RAD51B: variants seen among roughly 807,000 people sequenced by gnomAD.
The protein encoded by RAD51B is RAD51 paralog B, also known as DNA repair protein RAD51 homolog 2.
A neutral mutation model predicts 42.2 loss-of-function variants in RAD51B; 38 were observed. The ratio of observed to expected loss-of-function variants is 0.90; its 90% CI spans 0.70 to 1.18. The LOEUF (loss-of-function observed/expected upper bound fraction) is 1.18. RAD51B is among the 50% of genes most tolerant of loss of function. The pLI, the probability that RAD51B is intolerant of heterozygous loss-of-function variation, is 0.00. For missense variants in RAD51B, 373 were observed against 400.7 expected (o/e 0.93, Z 0.59); for synonymous variants, 154 against 145.2 (o/e 1.06, Z -0.43).
intron 7 of RAD51B, among the ~76,000 whole-genome samples, chr14:68,031,360 G>A (rs1475209429): frequency 1.3e-5 from 2 of 152,180 alleles, no homozygotes; most frequent in African/African-American, 4.8e-5. Context: ...CTTGATACCT[G>A]GGGATGATTA....
At chr14:68,375,615 A>T (rs191457651) in intron 8 of RAD51B, among the ~76,000 whole-genome samples, 1 of 152,162 alleles carries the variant, frequency 6.6e-6, no homozygotes, top group East Asian at 1.9e-4. Context: ...AACTGTTTGC[A>T]TGTTTAGGCT....
chr14:67,941,385 C>T (rs965799783), intron 7 of RAD51B, among the ~76,000 whole-genome samples: 3 of 152,108 alleles, frequency 2.0e-5, no homozygotes, highest in Admixed American at 6.6e-5. Context: ...AATGGGTTTC[C>T]AGACATTCTG....
intron 7 of RAD51B, among the ~76,000 whole-genome samples, chr14:68,072,996 A>C (rs2076777568): frequency 6.6e-6 from 1 of 152,120 alleles, no homozygotes. Context: ...GATCAGAAGG[A>C]TGTATATGCT....
chr14:68,476,129 C>G (rs1042564349), intron 10 of RAD51B, among the ~76,000 whole-genome samples: 1 of 151,420 alleles, frequency 6.6e-6, no homozygotes, highest in African/African-American at 2.4e-5. Flanking sequence ...TAATCAAAAG[C>G]CAACTGTGAT....
At position 68,270,680 on chromosome 14, in the gene RAD51B, G is replaced by A. The variant is rs117446394; in HGVS notation, c.757-21204G>A. On this transcript the variant is annotated intron_variant, in intron 7 of 10. Coordinates refer to ENST00000471583, the MANE Select transcript of RAD51B (RefSeq NM_133510.4). The stretch of plus-strand genomic sequence containing the variant: ...ACATCACCCAGATTGCCTGGGAAAC[G>A]CCACTGACTTTGGGAGCTAATTCTT... Among the ~76,000 whole-genome samples the A allele has an allele frequency of 2.8e-3, 430 of 152,300 alleles. 12 individuals are homozygous for A. The East Asian group carries it at 0.048, about 17-fold the overall frequency.
chr14:68,190,163 G>A (rs963564583), intron 7 of RAD51B, among the ~76,000 whole-genome samples: 4 of 149,404 alleles, frequency 2.7e-5, no homozygotes, highest in Admixed American at 1.3e-4. Flanking sequence ...AAACTTGCTC[G>A]GAGTAATTTG....
chr14:68,476,429 C>G (rs926257987), intron 10 of RAD51B, among the ~76,000 whole-genome samples: 7 of 152,122 alleles, frequency 4.6e-5, no homozygotes, highest in African/African-American at 1.7e-4. Context: ...TGGATTGACT[C>G]AACAATAAAG....
At chr14:67,959,571 T>C (rs925147461) in intron 7 of RAD51B, among the ~76,000 whole-genome samples, 3 of 152,142 alleles carry the variant, frequency 2.0e-5, no homozygotes, top group Non-Finnish European at 2.9e-5. Context: ...AAATTTATGT[T>C]AGCCTTGAAA....
intron 7 of RAD51B, among the ~76,000 whole-genome samples, chr14:68,118,596 G>A (rs1644607689): frequency 1.3e-5 from 2 of 152,214 alleles, no homozygotes; most frequent in African/African-American, 4.8e-5. Flanking sequence ...AAGAAGAAGG[G>A]TAAGATGTGC....
chr14:68,556,216 G>C (rs1888834964), intron 10 of RAD51B, among the ~76,000 whole-genome samples: 1 of 152,210 alleles, frequency 6.6e-6, no homozygotes, highest in Non-Finnish European at 1.5e-5. Context: ...TGGCCCCACA[G>C]TCAGGCAACG....
intron 7 of RAD51B, among the ~76,000 whole-genome samples, chr14:68,045,916 C>T (rs1471049826): frequency 1.3e-5 from 2 of 151,702 alleles, no homozygotes; most frequent in Non-Finnish European, 2.9e-5. Context: ...TGAGTTTTTT[C>T]CTCAAGTCTG....
At chr14:68,237,207 T>C (rs2080278476) in intron 7 of RAD51B, among the ~76,000 whole-genome samples, 1 of 152,210 alleles carries the variant, frequency 6.6e-6, no homozygotes, top group African/African-American at 2.4e-5. Context: ...CAAGTGTCTA[T>C]TCCCTCCTGA....
intron 7 of RAD51B, among the ~76,000 whole-genome samples, chr14:68,128,693 A>G (rs1194084458): frequency 1.3e-5 from 2 of 152,118 alleles, no homozygotes; most frequent in Admixed American, 6.5e-5. Context: ...CCCTGTCTCA[A>G]AAAAAACGTG....
At chr14:68,385,364 C>G (rs534444263) in intron 8 of RAD51B, among the ~76,000 whole-genome samples, 10 of 152,296 alleles carry the variant, frequency 6.6e-5, no homozygotes, top group Admixed American at 3.9e-4. Context: ...CCTTACACCC[C>G]CTAGCACTCT....
chr14:68,379,741 C>G (rs2083442506), intron 8 of RAD51B, among the ~76,000 whole-genome samples: 1 of 152,204 alleles, frequency 6.6e-6, no homozygotes, highest in African/African-American at 2.4e-5. Flanking sequence ...TATGGTTTGG[C>G]TACTTTCCCT....
intron 7 of RAD51B, among the ~76,000 whole-genome samples, chr14:68,089,572 C>T (rs115011651): frequency 1.0e-3 from 157 of 152,222 alleles, no homozygotes; most frequent in African/African-American, 3.6e-3. Flanking sequence ...GTGCTTCAAA[C>T]GACCTTTTGA....
chr14:68,418,204 T>G (rs558339803), intron 9 of RAD51B, among the ~76,000 whole-genome samples: 4 of 152,322 alleles, frequency 2.6e-5, no homozygotes, highest in African/African-American at 9.6e-5. Flanking sequence ...AAAGGCACTT[T>G]AACACCAAAA....
intron 7 of RAD51B, among the ~76,000 whole-genome samples, chr14:68,014,993 G>C (rs1035564123): frequency 2.0e-5 from 3 of 152,226 alleles, no homozygotes; most frequent in African/African-American, 7.2e-5. Flanking sequence ...CATGGTGAAG[G>C]GCAGGAGCTC....
chr14:68,541,238 A>G, intron 10 of RAD51B: 1 of 985,426 alleles, frequency 1.0e-6, no homozygotes, highest in Non-Finnish European at 1.2e-6. Context: ...TTTCTTGAAG[A>G]TTTGACAGAT....
Sources: allele counts gnomAD v4.1 joint callset (sites outside exome capture counted in the v4.1 genomes callset), GRCh38; gene constraint gnomAD v4.1.1; transcripts MANE v1.5; gene names NCBI Gene and HGNC (gene_info 2026-07-23, HGNC 2026-07-21).